The following DCLRE1C variants were observed in gnomAD, a reference collection of about 807,000 sequenced individuals.
DCLRE1C encodes DNA cross-link repair 1C, also known as protein artemis.
DCLRE1C carries 47 observed loss-of-function variants against 61.4 expected under a neutral mutation model. The observed-to-expected ratio is 0.77, with a 90% confidence interval of 0.61 to 0.98. DCLRE1C has a LOEUF of 0.98. DCLRE1C is among the 50% of genes least tolerant of loss of function. The probability of loss-of-function intolerance (pLI) is 0.00; values close to 1 mark genes in which losing one functional copy is unlikely to be tolerated. For synonymous variants in DCLRE1C, 337 were observed against 287.6 expected (o/e 1.17, Z -1.74); for missense variants, 858 against 816.0 (o/e 1.05, Z -0.63).
chr10:14,937,174 G>A (rs115439770), intron 4 of DCLRE1C, among the ~76,000 whole-genome samples: 1,643 of 152,076 alleles, frequency 0.011, 30 homozygotes, highest in African/African-American at 0.038. Flanking sequence ...GAGGGATTGC[G>A]ATCGCTAAAG....
chr10:14,914,436 T>C (rs920101323), intron 13 of DCLRE1C, among the ~76,000 whole-genome samples: 1 of 152,164 alleles, frequency 6.6e-6, no homozygotes, highest in African/African-American at 2.4e-5. Flanking sequence ...CAACTGGAGA[T>C]TGCAACACCC....
chr10:14,934,129 A>G (rs1354180592), intron 8 of DCLRE1C, among the ~76,000 whole-genome samples: 10 of 152,024 alleles, frequency 6.6e-5, no homozygotes, highest in Admixed American at 6.6e-4. Context: ...GGAGTTCAAG[A>G]CCAGCCTGGC....
In DCLRE1C at chr10:14,908,165, C is replaced by CTGTTTT; in HGVS notation, c.*242_*243insAAAACA. 1 of 196,346 alleles carries CTGTTTT rather than the reference C, an allele frequency of 5.1e-6. No individual in the cohort carries two copies. Among genetic ancestry groups the CTGTTTT allele is most frequent in the South Asian group, 5.8e-5 (1 of 17,196 alleles). 12.2% of individuals were successfully genotyped at this position (196,346 alleles called of 1,614,324 possible). A position where few individuals can be genotyped will look rare whatever the true frequency, so the allele number is the denominator to read the frequency against. On this transcript the variant is annotated 3_prime_UTR_variant, in exon 14 of 14. Coordinates refer to ENST00000378278, the MANE Select transcript of DCLRE1C (RefSeq NM_001033855.3). ...CAGAGTAGCCCACCACCATGCCTGG[C>CTGTTTT]TTTTTTTTTTTTTTTTTTTTTTGTA...
chr10:14,916,265 T>C (rs1836166522), intron 13 of DCLRE1C, among the ~76,000 whole-genome samples: 1 of 152,112 alleles, frequency 6.6e-6, no homozygotes, highest in African/African-American at 2.4e-5. Flanking sequence ...GAGAAAAACA[T>C]CCTGGCTGAA....
At chr10:14,911,987 A>G (rs1026936659) in intron 13 of DCLRE1C, among the ~76,000 whole-genome samples, 11 of 152,234 alleles carry the variant, frequency 7.2e-5, no homozygotes, top group African/African-American at 2.7e-4. Flanking sequence ...GAGAGAATGT[A>G]AAATGTATTC....
chr10:14,923,229 A>G lies in DCLRE1C; in HGVS notation c.973-160T>C. Reference sequence around the variant, plus strand: ...ATCACCAGGGACCTCTTGGGAAAAAAATATCCAATGCCTGGGCCTCACTCC... The same window carrying G: ...ATCACCAGGGACCTCTTGGGAAAAAGATATCCAATGCCTGGGCCTCACTCC... On this transcript the variant is annotated intron_variant, in intron 11 of 13. Transcript: ENST00000378278. 6 of 640,494 alleles carry G rather than the reference A, an allele frequency of 9.4e-6. 1 individual carries two copies. In the South Asian group the frequency reaches 1.0e-4, roughly 11 times the overall value. 39.7% of individuals were successfully genotyped at this position (640,494 alleles called of 1,614,324 possible).
upstream of DCLRE1C, chr10:14,954,171 C>T (rs188953528): frequency 6.3e-6 from 8 of 1,268,492 alleles, no homozygotes; most frequent in East Asian, 2.0e-4. Context: ...GGGGCAAAGT[C>T]AAGGAGCATC....
At chr10:14,938,020 G>A (rs930791276) in intron 4 of DCLRE1C, among the ~76,000 whole-genome samples, 35 of 151,930 alleles carry the variant, frequency 2.3e-4, no homozygotes, top group African/African-American at 7.5e-4. Flanking sequence ...CCATCAGTAA[G>A]TGGGGAGAGC....
At chr10:14,951,389 C>CAAAAAAAAAAAA (rs60272216) in intron 1 of DCLRE1C, among the ~76,000 whole-genome samples, 8 of 46,060 alleles carry the variant, frequency 1.7e-4, no homozygotes, top group Non-Finnish European at 3.3e-4. Context: ...AACCCTGTCT[C>CAAAAAAAAAAAA]AAAAAAAAAA....
chr10:14,911,902 A>G lies in DCLRE1C; in HGVS notation c.1157-2572T>C, dbSNP rs549849051. 5.3e-5 allele frequency among the ~76,000 whole-genome samples: 8 copies of G among 152,354 alleles called. No individual in the cohort carries two copies. In the South Asian group the frequency reaches 1.2e-3, roughly 24 times the overall value. ...TCAAAACTGCAGGGTACCACCATAC[A>G]CTAGGATGGCTATACTAAAAAAGAC... On this transcript the variant is annotated intron_variant, in intron 13 of 13. Coordinates refer to ENST00000378278, the MANE Select transcript of DCLRE1C (RefSeq NM_001033855.3).
intron 1 of DCLRE1C, among the ~76,000 whole-genome samples, chr10:14,949,325 G>A (rs1277327436): frequency 6.6e-6 from 1 of 152,194 alleles, no homozygotes; most frequent in Non-Finnish European, 1.5e-5. Context: ...GTGATTCTGT[G>A]CATCATAGGC....
At chr10:14,939,922 A>T in intron 3 of DCLRE1C, 53 bp from the exon 4 acceptor site, 1 of 1,392,892 alleles carries the variant, frequency 7.2e-7, no homozygotes, top group Non-Finnish European at 1.0e-6. Flanking sequence ...ATGGCTTTAT[A>T]TGCCTTTGCT....
intron 13 of DCLRE1C, among the ~76,000 whole-genome samples, chr10:14,910,106 G>T (rs986659700): frequency 6.6e-6 from 1 of 152,180 alleles, no homozygotes; most frequent in Admixed American, 6.5e-5. Context: ...CCACTTAAAT[G>T]ATGTGGCTAA....
chr10:14,900,060 A>G (rs1179847344), downstream of DCLRE1C, among the ~76,000 whole-genome samples: 1 of 152,250 alleles, frequency 6.6e-6, no homozygotes, highest in Non-Finnish European at 1.5e-5. Flanking sequence ...ACTACATTTT[A>G]GGATGTACAA....
chr10:14,938,438 G>C (rs1387292220), intron 4 of DCLRE1C, among the ~76,000 whole-genome samples: 2 of 151,964 alleles, frequency 1.3e-5, no homozygotes, highest in Non-Finnish European at 2.9e-5. Context: ...TCAACTGTCT[G>C]ATCTTCACCA....
intron 2 of DCLRE1C, chr10:14,945,495 T>C (rs1271082722): frequency 8.7e-7 from 1 of 1,152,332 alleles, no homozygotes; most frequent in Non-Finnish European, 1.1e-6. Flanking sequence ...ACGGTGTCCC[T>C]GGACCTCCTC....
rs41299682 is a variant in DCLRE1C at position 14,921,809 on chromosome 10, A to G, written c.1061+1172T>C. Among the ~76,000 whole-genome samples the G allele has an allele frequency of 5.4e-3, 829 of 152,126 alleles. 18 individuals carry two copies. In the East Asian group the frequency reaches 0.079, roughly 14 times the overall value. ...TGCCCAGGGTTCTGGCCTCAGCTCT[A>G]TGATCCCTCCTCCCACTCCTGGTGA... On this transcript the variant is annotated intron_variant, in intron 12 of 13. Transcript: ENST00000378278.
At chr10:14,950,991 G>A (rs1842379049) in intron 1 of DCLRE1C, among the ~76,000 whole-genome samples, 1 of 152,190 alleles carries the variant, frequency 6.6e-6, no homozygotes, top group African/African-American at 2.4e-5. Flanking sequence ...TACTGATGAT[G>A]CTTAGTAAAG....
chr10:14,951,389 C>CAAAAAAAAAAAAAAAAAA (rs60272216), intron 1 of DCLRE1C, among the ~76,000 whole-genome samples: 3 of 46,036 alleles, frequency 6.5e-5, no homozygotes, highest in African/African-American at 1.4e-4. Context: ...AACCCTGTCT[C>CAAAAAAAAAAAAAAAAAA]AAAAAAAAAA....
Sources: gnomAD v4.1 joint callset for allele counts (sites outside exome capture counted in the v4.1 genomes callset) on GRCh38, gnomAD v4.1.1 for gene constraint, MANE v1.5 for transcripts, NCBI Gene and HGNC (gene_info 2026-07-23, HGNC 2026-07-21) for gene names.